The following DYNC2I2 variants were observed in gnomAD, a reference collection of about 807,000 sequenced individuals.
The protein encoded by DYNC2I2 is dynein 2 intermediate chain 2, also known as cytoplasmic dynein 2 intermediate chain 2.
Under a neutral mutation model 52.0 loss-of-function variants are expected in DYNC2I2, and 39 were observed. That is an observed-to-expected ratio of 0.75 (90% confidence interval 0.58 to 0.98). DYNC2I2 has a LOEUF of 0.98. DYNC2I2 is among the 50% of genes least tolerant of loss of function. DYNC2I2 has a pLI of 0.00. For missense variants in DYNC2I2, 743 were observed against 728.4 expected, an observed-to-expected ratio of 1.02 and a Z score of -0.23; for synonymous variants, 359 against 321.1, an observed-to-expected ratio of 1.12 and a Z score of -1.26.
rs1471184483 is a variant in DYNC2I2, at chr9:128,634,289, A to C, written c.1309T>G (p.Tyr437Asp). 1 of 1,613,798 alleles carries C rather than the reference A, an allele frequency of 6.2e-7. No homozygotes were observed. Among genetic ancestry groups the C allele is most frequent in the South Asian group, 1.1e-5 (1 of 91,076 alleles). ...GGGGACCAGCGCACAGCAAACAGAT[A>C]CTTGAGGGAGAGCTGCAGCGAAGTC... ...PLTSLQLSLKYLFAVRWSPVR... is the reference protein window; with the variant it reads ...PLTSLQLSLKDLFAVRWSPVR... The change falls in exon 8 of 9, where the codon TAT becomes GAT. Residue 437 changes from tyrosine to aspartate, a missense_variant. Physicochemically the swap from Tyr to Asp is radical, Grantham distance 160 (BLOSUM62 -3). Transcript: ENST00000372715.
the DYNC2I2 span, among the ~76,000 whole-genome samples, chr9:128,671,081 A>G: frequency 2.0e-5 from 3 of 151,462 alleles, no homozygotes; most frequent in Non-Finnish European, 2.9e-5. Context: ...AAAAAAAAAA[A>G]AAAAGAAACA....
At chr9:128,636,585 C>T in intron 3 of DYNC2I2, 147 bp from the exon 4 acceptor site, 2 of 956,466 alleles carry the variant, frequency 2.1e-6, no homozygotes, top group East Asian at 2.6e-5. Context: ...GCCCACACTC[C>T]ACTCTAGCAC....
chr9:128,656,456 G>A, intron 1 of DYNC2I2, 85 bp downstream of exon 1: 1 of 1,130,514 alleles, frequency 8.8e-7, no homozygotes, highest in Non-Finnish European at 1.1e-6. Flanking sequence ...CGGCAGCCAC[G>A]GTGGGACGCC....
At chr9:128,673,267 T>G in the DYNC2I2 span, among the ~76,000 whole-genome samples, 1 of 152,178 alleles carries the variant, frequency 6.6e-6, no homozygotes, top group African/African-American at 2.4e-5. Context: ...AATAATAAAA[T>G]GTTCTTATTT....
chr9:128,635,000 G>A (rs1860356904), intron 6 of DYNC2I2, 79 bp from the exon 7 acceptor site: 2 of 1,586,842 alleles, frequency 1.3e-6, no homozygotes, highest in South Asian at 1.1e-5. Flanking sequence ...AGAACAGGAG[G>A]GGAGATCACA....
At chr9:128,641,793 C>A (rs1221957080) in intron 1 of DYNC2I2, among the ~76,000 whole-genome samples, 1 of 152,110 alleles carries the variant, frequency 6.6e-6, no homozygotes, top group African/African-American at 2.4e-5. Flanking sequence ...CAGGACAGTT[C>A]TCTTCTGAAC....
At chr9:128,638,891 C>T (rs1306993444) in intron 2 of DYNC2I2, among the ~76,000 whole-genome samples, 3 of 152,176 alleles carry the variant, frequency 2.0e-5, no homozygotes, top group Admixed American at 6.6e-5. Flanking sequence ...AGCCACAACA[C>T]GCATGAACCT....
At chr9:128,643,860 C>T (rs73623577) in intron 1 of DYNC2I2, among the ~76,000 whole-genome samples, 1 of 152,306 alleles carries the variant, frequency 6.6e-6, no homozygotes, top group South Asian at 2.1e-4. Context: ...GCCTCAGCCA[C>T]CCACGGGGAG....
intron 2 of DYNC2I2, among the ~76,000 whole-genome samples, chr9:128,639,567 A>G (rs1392158815): frequency 6.6e-6 from 1 of 152,066 alleles, no homozygotes; most frequent in Non-Finnish European, 1.5e-5. Context: ...CAAGTTCTGG[A>G]GCTGTGTGTG....
rs1465078575 is a variant in DYNC2I2 at position 128,634,880 on chromosome 9, G to T, written c.1023C>A (p.Ala341=). The T allele has an allele frequency of 6.2e-7, 1 of 1,613,314 alleles. No individual in the cohort carries two copies. Among genetic ancestry groups the T allele is most frequent in the Admixed American group, 1.7e-5 (1 of 60,010 alleles). Residue 341 remains alanine, a synonymous_variant, in exon 7 of 9, where the codon GCC becomes GCA. Transcript: ENST00000372715. ...ACAGCCTAGGGTCAAAGCTGGAGAA[G>T]GCCACTGCCGTGGCGCCCACCTCGG... is the stretch of plus-strand genomic sequence containing the variant. ...GETEVGATAV[A]FSSFDPRLFI...
rs1327569469 is a variant in DYNC2I2 at position 128,635,261 on chromosome 9, T to G, written c.814-2A>C. ...CCCAGGCTCGGGCAGCCACACCACC[T>G]GAGTTAACAGCATGCAGGGCCAGGA... On this transcript the variant is annotated splice_acceptor_variant, in intron 5 of 8. Transcript: ENST00000372715. LOFTEE classifies it high-confidence loss of function. 2 of 1,612,336 alleles carry G rather than the reference T, an allele frequency of 1.2e-6. No homozygotes were observed. Among genetic ancestry groups the G allele is most frequent in the South Asian group, 2.2e-5 (2 of 91,026 alleles).
the DYNC2I2 span, among the ~76,000 whole-genome samples, chr9:128,667,881 T>TGA: frequency 0.016 from 1,883 of 119,928 alleles, 174 homozygotes; most frequent in African/African-American, 0.052. Context: ...TACAGGTGCG[T>TGA]GCCATCATGC....
the DYNC2I2 span, among the ~76,000 whole-genome samples, chr9:128,674,841 C>A: frequency 6.6e-6 from 1 of 152,064 alleles, no homozygotes; most frequent in Non-Finnish European, 1.5e-5. Flanking sequence ...AGCCTCCTAA[C>A]GTGCTGTGAT....
At chr9:128,678,156 G>GC in the DYNC2I2 span, among the ~76,000 whole-genome samples, 1 of 147,518 alleles carries the variant, frequency 6.8e-6, no homozygotes, top group Admixed American at 6.9e-5. Context: ...CGCAACCTCT[G>GC]CCTCCCGCAT....
the DYNC2I2 span, among the ~76,000 whole-genome samples, chr9:128,672,159 G>A: frequency 6.7e-6 from 1 of 150,056 alleles, no homozygotes; most frequent in East Asian, 2.0e-4. Context: ...ATTTTTAGTA[G>A]ACGGGGTTTC....
the DYNC2I2 span, among the ~76,000 whole-genome samples, chr9:128,668,666 CA>C: frequency 6.6e-6 from 1 of 150,582 alleles, no homozygotes; most frequent in Non-Finnish European, 1.5e-5. Flanking sequence ...ACTAAAAATA[CA>C]AAAATTAGCA....
the DYNC2I2 span, among the ~76,000 whole-genome samples, chr9:128,669,922 G>C: frequency 1.3e-5 from 2 of 152,082 alleles, no homozygotes; most frequent in Non-Finnish European, 2.9e-5. Flanking sequence ...CTTGTGATCC[G>C]CCAGTCTCGG....
In DYNC2I2 at chr9:128,634,243, G is replaced by A; in HGVS notation, c.1355C>T (p.Ala452Val). The change falls in exon 8 of 9, where the codon GCA becomes GTA. Residue 452 changes from alanine (A) to valine (V), a missense_variant. Transcript: ENST00000372715. ...RWSPVRPLVF[A>V]AASGKGDVQL... ...CTTCCTACCTTTCCCAGAGGCAGCT[G>A]CAAAAACCAAGGGCCGCACTGGGGA... 1 of 1,613,770 alleles carries A rather than the reference G, an allele frequency of 6.2e-7. No homozygotes were observed. The highest frequency in any genetic ancestry group is 8.5e-7 in the Non-Finnish European group (1 of 1,180,006).
At chr9:128,675,469 C>A in the DYNC2I2 span, among the ~76,000 whole-genome samples, 1 of 152,134 alleles carries the variant, frequency 6.6e-6, no homozygotes, top group African/African-American at 2.4e-5. Context: ...CATGAGCCAC[C>A]GAGCCTGGCG....
Sources: allele counts gnomAD v4.1 joint callset (sites outside exome capture counted in the v4.1 genomes callset), GRCh38; gene constraint gnomAD v4.1.1; transcripts MANE v1.5; gene names NCBI Gene and HGNC (gene_info 2026-07-23, HGNC 2026-07-21).